BLTP1: variants seen among roughly 807,000 people sequenced by gnomAD.
BLTP1 encodes the protein fragile site-associated protein.
chr4:122,325,743 T>C, the BLTP1 span: 17 of 769,486 alleles, frequency 2.2e-5, no homozygotes, highest in South Asian at 3.1e-4. Context: ...TTTCATAGCA[T>C]ATTAAACATT....
chr4:122,313,417 A>C, the BLTP1 span, among the ~76,000 whole-genome samples: 1 of 152,084 alleles, frequency 6.6e-6, no homozygotes, highest in African/African-American at 2.4e-5. Context: ...ATAGAATAAA[A>C]TATTGTGAAA....
the BLTP1 span, chr4:122,189,730 CA>C: frequency 6.7e-6 from 6 of 892,662 alleles, no homozygotes; most frequent in Non-Finnish European, 8.0e-6. Flanking sequence ...TTTTTAAAAC[CA>C]AATTTTTTTT....
At chr4:122,170,710 A>T in the BLTP1 span, 1 of 1,599,994 alleles carries the variant, frequency 6.3e-7, no homozygotes, top group Non-Finnish European at 8.5e-7. Flanking sequence ...ATTTTCTTAC[A>T]GAACACAATT....
the BLTP1 span, chr4:122,189,422 T>C: frequency 8.0e-5 from 79 of 982,870 alleles, no homozygotes; most frequent in Non-Finnish European, 8.8e-5. Flanking sequence ...GAGTTCACGA[T>C]GTTTGCTCTA....
At chr4:122,340,814 C>T in the BLTP1 span, 2 of 959,230 alleles carry the variant, frequency 2.1e-6, no homozygotes, top group East Asian at 1.2e-4. Context: ...AAAAGTTACA[C>T]TCACTATTCA....
At chr4:122,348,244 G>A in the BLTP1 span, among the ~76,000 whole-genome samples, 3 of 152,264 alleles carry the variant, frequency 2.0e-5, no homozygotes, top group East Asian at 5.8e-4. Flanking sequence ...AGCACCTTAT[G>A]ATTTTCTTCT....
chr4:122,262,148 T>TTGTGTGTGTGTGTGTGTG, the BLTP1 span, among the ~76,000 whole-genome samples: 111 of 133,506 alleles, frequency 8.3e-4, no homozygotes, highest in Non-Finnish European at 1.4e-3. Flanking sequence ...TACAGATCCT[T>TTGTGTGTGTGTGTGTGTG]TGTGTGTGTG....
At chr4:122,244,188 A>C in the BLTP1 span, 1 of 453,476 alleles carries the variant, frequency 2.2e-6, no homozygotes, top group Non-Finnish European at 2.9e-6. Flanking sequence ...TTGATTGAAT[A>C]AAAATGAAAA....
chr4:122,348,544 G>A, the BLTP1 span: 1 of 1,564,350 alleles, frequency 6.4e-7, no homozygotes, highest in Non-Finnish European at 8.7e-7. Context: ...GAATGAACAT[G>A]TATTTGATTT....
chr4:122,230,151 A>G, the BLTP1 span: 1 of 1,614,162 alleles, frequency 6.2e-7, no homozygotes, highest in Non-Finnish European at 8.5e-7. Context: ...GCTGCTGACC[A>G]TCATTCTAAA....
chr4:122,169,837 T>A, the BLTP1 span: 3 of 985,252 alleles, frequency 3.0e-6, no homozygotes, highest in Non-Finnish European at 1.2e-6. Flanking sequence ...AGAGTGAATC[T>A]GAACTAGGAA....
the BLTP1 span, chr4:122,186,210 C>A: frequency 6.2e-7 from 1 of 1,609,990 alleles, no homozygotes; most frequent in Non-Finnish European, 8.5e-7. Flanking sequence ...AGAACCCAAT[C>A]GAAAATTGAA....
the BLTP1 span, among the ~76,000 whole-genome samples, chr4:122,296,551 A>G: frequency 6.6e-6 from 1 of 151,702 alleles, no homozygotes; most frequent in Non-Finnish European, 1.5e-5. Context: ...ATTCTTTACA[A>G]CATTAGAAAA....
At chr4:122,166,664 C>A in the BLTP1 span, among the ~76,000 whole-genome samples, 1 of 152,272 alleles carries the variant, frequency 6.6e-6, no homozygotes, top group South Asian at 2.1e-4. Context: ...TTACCTTGGG[C>A]AGTATGGCCA....
the BLTP1 span, chr4:122,344,976 A>G: frequency 4.6e-5 from 45 of 984,696 alleles, no homozygotes; most frequent in Non-Finnish European, 5.3e-5. Flanking sequence ...TTTTATAAAC[A>G]TCTATATAAC....
the BLTP1 span, chr4:122,254,868 A>G: frequency 3.1e-6 from 5 of 1,613,698 alleles, no homozygotes; most frequent in East Asian, 4.5e-5. Flanking sequence ...CCATTGACCA[A>G]CTCAAGTCAT....
At chr4:122,346,712 A>G in the BLTP1 span, 1 of 1,613,236 alleles carries the variant, frequency 6.2e-7, no homozygotes, top group African/African-American at 1.3e-5. Context: ...GTATAGAAGA[A>G]GTATTGCAAG....
At chr4:122,175,768 A>T in the BLTP1 span, 5 of 905,606 alleles carry the variant, frequency 5.5e-6, no homozygotes, top group Non-Finnish European at 7.1e-6. Context: ...TTCATTATCA[A>T]TTGGCTTCCT....
chr4:122,217,845 CT>C, the BLTP1 span, among the ~76,000 whole-genome samples: 1 of 151,600 alleles, frequency 6.6e-6, no homozygotes, highest in Non-Finnish European at 1.5e-5. Context: ...TGGTCCTGGG[CT>C]TTTTTTTGTT....
Sources: gnomAD v4.1 joint callset for allele counts (sites outside exome capture counted in the v4.1 genomes callset) on GRCh38, gnomAD v4.1.1 for gene constraint, MANE v1.5 for transcripts, NCBI Gene and HGNC (gene_info 2026-07-23, HGNC 2026-07-21) for gene names.